Variants in RBFOX3 observed in about 807,000 individuals in gnomAD.
The protein encoded by RBFOX3 is RNA binding fox-1 homolog 3.
Under a neutral mutation model 48.7 loss-of-function variants are expected in RBFOX3, and 17 were observed. The ratio of observed to expected loss-of-function variants is 0.35; its 90% confidence interval spans 0.24 to 0.52. The LOEUF is 0.52. Among genes scored for constraint, RBFOX3 ranks in the 20% least tolerant of loss-of-function variants. RBFOX3 has a pLI of 0.94. For synonymous variants in RBFOX3, 212 were observed against 209.5 expected, an observed-to-expected ratio of 1.01 and a Z score of -0.10; for missense variants, 382 against 497.5, an observed-to-expected ratio of 0.77 and a Z score of 2.21.
At chr17:79,095,792 G>C (rs1045565577) in intron 12 of RBFOX3, among the ~76,000 whole-genome samples, 1 of 152,236 alleles carries the variant, frequency 6.6e-6, no homozygotes, top group African/African-American at 2.4e-5. Context: ...CAGATGGCTA[G>C]GTGGCACAGT....
At chr17:79,297,016 C>G (rs901779510) in intron 3 of RBFOX3, among the ~76,000 whole-genome samples, 1 of 150,392 alleles carries the variant, frequency 6.6e-6, no homozygotes, top group African/African-American at 2.5e-5. Context: ...CTCCTCCTGC[C>G]CCTCCTCTCC....
rs3803775 is a variant in RBFOX3, at chr17:79,477,856, A to G, written c.-175+4598T>C. On this transcript the variant is annotated intron_variant, in intron 2 of 14. Transcript: ENST00000693108. The surrounding 1 kb of genome is among the most constrained non-coding windows in gnomAD (Gnocchi z 4.8). ...GACTGGCTCAAACTAAAGTCTTCTCATTAAAATATTGGATCCAAGAAGGAA... is the reference window on the plus strand; with the variant it reads ...GACTGGCTCAAACTAAAGTCTTCTCGTTAAAATATTGGATCCAAGAAGGAA... Among the ~76,000 whole-genome samples the G allele has an allele frequency of 3.1e-3, 473 of 152,318 alleles. 14 individuals are homozygous for G. In the South Asian group the frequency reaches 0.088, roughly 28 times the overall value.
rs552043258 is a variant in RBFOX3, at chr17:79,124,745, C to T, written c.-33-8997G>A. 6.6e-5 allele frequency among the ~76,000 whole-genome samples: 10 copies of T among 152,370 alleles called. No homozygotes were observed. In the South Asian group the frequency reaches 2.1e-3, roughly 32 times the overall value. On this transcript the variant is annotated intron_variant, in intron 4 of 14. Coordinates refer to ENST00000693108, the MANE Select transcript of RBFOX3 (RefSeq NM_001350451.2). ...CCAGGCCCGCTCTCCACCCCTTACC[C>T]CGCCTCTGCTCCATGAACCTGGCAG...
At chr17:79,316,290 C>T (rs893264040) in intron 2 of RBFOX3, among the ~76,000 whole-genome samples, 101 of 152,276 alleles carry the variant, frequency 6.6e-4, no homozygotes, top group African/African-American at 2.3e-3. Flanking sequence ...GAACGTCACC[C>T]ATGAAACAAA....
rs1213079390 is a variant in RBFOX3 at position 79,236,096 on chromosome 17, CCTT to C, written c.-73-294_-73-292del. On this transcript the variant is annotated intron_variant, in intron 3 of 14. Coordinates refer to ENST00000693108, the MANE Select transcript of RBFOX3 (RefSeq NM_001350451.2). ...CATTTTCTCTGCGACTCTGGATGTT[CCTT>C]TTTTTCCCCCACCTCAAACTCCAAG... Among the ~76,000 whole-genome samples, 5 of 152,164 alleles carry C rather than the reference CCTT, an allele frequency of 3.3e-5. No homozygotes were observed. In the East Asian group the frequency reaches 9.6e-4, roughly 29 times the overall value.
chr17:79,169,494 G>A (rs2048704790), intron 4 of RBFOX3, among the ~76,000 whole-genome samples: 1 of 152,142 alleles, frequency 6.6e-6, no homozygotes, highest in African/African-American at 2.4e-5. Flanking sequence ...CAGGACCCAG[G>A]ACCCAGGACC....
chr17:79,125,334 A>T (rs1599550754), intron 4 of RBFOX3, among the ~76,000 whole-genome samples: 1 of 152,172 alleles, frequency 6.6e-6, no homozygotes, highest in East Asian at 1.9e-4. Flanking sequence ...TCAGCAACTT[A>T]GTTTGTGGGA....
At position 79,527,070 on chromosome 17, in the gene RBFOX3, G is replaced by C. The variant is rs2086895433; in HGVS notation, c.-319-44472C>G. Among the ~76,000 whole-genome samples the C allele has an allele frequency of 2.0e-5, 3 of 152,092 alleles. No individual in the cohort carries two copies. The South Asian group carries it at 6.2e-4, about 32-fold the overall frequency. ...CCTGGGCAGCCTGAGCTCCACCTCT[G>C]TCCTCCTGGCTGGATCCTATCTTCT... On this transcript the variant is annotated intron_variant, in intron 1 of 14. Coordinates refer to ENST00000693108, the MANE Select transcript of RBFOX3 (RefSeq NM_001350451.2).
chr17:79,315,856 G>A (rs927697843), intron 2 of RBFOX3, among the ~76,000 whole-genome samples: 5 of 152,172 alleles, frequency 3.3e-5, no homozygotes, highest in African/African-American at 9.7e-5. Flanking sequence ...ATAAGGCCAC[G>A]CGGAAGGGGC....
chr17:79,647,923 G>C, the RBFOX3 span, among the ~76,000 whole-genome samples: 1 of 148,644 alleles, frequency 6.7e-6, no homozygotes, highest in Non-Finnish European at 1.5e-5. Context: ...GTGCAGTGGT[G>C]GACACAGAGC....
intron 3 of RBFOX3, among the ~76,000 whole-genome samples, chr17:79,260,732 G>T (rs2065624758): frequency 6.6e-6 from 1 of 152,196 alleles, no homozygotes; most frequent in African/African-American, 2.4e-5. Flanking sequence ...CCTCCCCTGG[G>T]GATAGGAACA....
In RBFOX3 at chr17:79,517,114, G is replaced by A. The variant is rs934585712; in HGVS notation, c.-319-34516C>T. Reference sequence around the variant, plus strand: ...CTGAACTGTGCCCTCAAAATGGTTCGTGTGGTAAGTGTTATGTCATGTGTA... The same window carrying A: ...CTGAACTGTGCCCTCAAAATGGTTCATGTGGTAAGTGTTATGTCATGTGTA... On this transcript the variant is annotated intron_variant, in intron 1 of 14. Transcript: ENST00000693108. Among the ~76,000 whole-genome samples, 1,007 of 152,220 alleles carry A rather than the reference G, an allele frequency of 6.6e-3. 12 individuals are homozygous for A. Among genetic ancestry groups the A allele is most frequent in the Middle Eastern group, 0.02 (6 of 294 alleles).
Position 79,363,624 on chromosome 17 carries a change from C to A in RBFOX3, c.-174-55800G>T, listed in dbSNP as rs559723096. Among the ~76,000 whole-genome samples the A allele has an allele frequency of 6.6e-6, 1 of 152,000 alleles. No individual in the cohort carries two copies. The highest frequency in any genetic ancestry group is 1.5e-5 in the Non-Finnish European group (1 of 67,982). ...CATACCTCTTACCCAGGGGCCCAAT[C>A]GAAGATCTAGGGCCTTCGATTCCCT... On this transcript the variant is annotated intron_variant, in intron 2 of 14. Transcript: ENST00000693108. This position sits in a 1 kb window ranked among gnomAD's most constrained non-coding sequence, Gnocchi z 4.7.
At chr17:79,114,349 G>A (rs965584799) in intron 5 of RBFOX3, among the ~76,000 whole-genome samples, 37 of 152,168 alleles carry the variant, frequency 2.4e-4, no homozygotes, top group South Asian at 1.0e-3. Flanking sequence ...TGCTGGGGGC[G>A]CTGGAAAGGC....
chr17:79,101,250 A>T (rs920334871), intron 9 of RBFOX3, among the ~76,000 whole-genome samples: 2 of 152,190 alleles, frequency 1.3e-5, no homozygotes, highest in African/African-American at 4.8e-5. Flanking sequence ...CCTGGGGGAA[A>T]GTCAGTCCTA....
chr17:79,561,920 G>T (rs966144128), intron 1 of RBFOX3, among the ~76,000 whole-genome samples: 21 of 152,148 alleles, frequency 1.4e-4, no homozygotes, highest in Non-Finnish European at 2.8e-4. Flanking sequence ...CCCATGCATG[G>T]TGCTATGAGT....
chr17:79,127,503 C>CT (rs1364597560), intron 4 of RBFOX3, among the ~76,000 whole-genome samples: 1 of 152,076 alleles, frequency 6.6e-6, no homozygotes, highest in Non-Finnish European at 1.5e-5. Context: ...ATTTTCTTTT[C>CT]TTTTTTTAAT....
rs551046466 is a variant in RBFOX3 at position 79,532,837 on chromosome 17, G to A, written c.-319-50239C>T. 7.2e-3 allele frequency among the ~76,000 whole-genome samples: 1,096 copies of A among 152,328 alleles called. 2 individuals are homozygous for A. The highest frequency in any genetic ancestry group is 0.013 in the Non-Finnish European group (858 of 68,034). ...AGGTGACTATTGAACACGTGTGTGTGTGTGCACGCATGCACGCCGCCTGTC... is the reference window on the plus strand; with the variant it reads ...AGGTGACTATTGAACACGTGTGTGTATGTGCACGCATGCACGCCGCCTGTC... On this transcript the variant is annotated intron_variant, in intron 1 of 14. Transcript: ENST00000693108.
intron 1 of RBFOX3, among the ~76,000 whole-genome samples, chr17:79,541,956 T>TG (rs1555790457): frequency 6.6e-6 from 1 of 152,028 alleles, no homozygotes; most frequent in East Asian, 1.9e-4. Context: ...ACGCACTGGC[T>TG]GCCGGGGCCT....
Sources: gnomAD v4.1 joint callset for allele counts (sites outside exome capture counted in the v4.1 genomes callset) on GRCh38, gnomAD v4.1.1 for gene constraint, Gnocchi (gnomAD v3.1) non-coding constraint, MANE v1.5 for transcripts, NCBI Gene and HGNC (gene_info 2026-07-23, HGNC 2026-07-21) for gene names.